Variants in MCU observed in about 807,000 individuals in gnomAD.
MCU encodes the protein mitochondrial calcium uniporter.
MCU carries 12 observed loss-of-function variants against 45.2 expected under a neutral mutation model. That is an observed-to-expected ratio of 0.27 (90% CI 0.17 to 0.43). The LOEUF is 0.43. MCU is among the 20% of genes least tolerant of loss of function. The pLI is 1.00. For synonymous variants in MCU, 160 were observed against 165.1 expected (o/e 0.97, Z 0.24); for missense variants, 324 against 436.7 (o/e 0.74, Z 2.30).
intron 1 of MCU, among the ~76,000 whole-genome samples, chr10:72,813,293 A>C (rs747633802): frequency 6.6e-6 from 1 of 152,134 alleles, no homozygotes; most frequent in Non-Finnish European, 1.5e-5. Flanking sequence ...TTTTATGAGC[A>C]AAGGCATCAA....
At chr10:72,742,179 T>C (rs966237742) in intron 1 of MCU, among the ~76,000 whole-genome samples, 2 of 152,214 alleles carry the variant, frequency 1.3e-5, no homozygotes, top group Non-Finnish European at 2.9e-5. Flanking sequence ...CTATACTATT[T>C]GTTACAGGAA....
At chr10:72,831,579 A>C (rs1487571435) in intron 1 of MCU, among the ~76,000 whole-genome samples, 3 of 152,146 alleles carry the variant, frequency 2.0e-5, no homozygotes, top group East Asian at 3.9e-4. Context: ...CAGTGACCAA[A>C]ACAGATGAAA....
intron 6 of MCU, among the ~76,000 whole-genome samples, chr10:72,878,950 A>G (rs1377390434): frequency 6.6e-6 from 1 of 152,174 alleles, no homozygotes; most frequent in African/African-American, 2.4e-5. Flanking sequence ...AAGAATCCCA[A>G]CCAATACCAG....
intron 1 of MCU, among the ~76,000 whole-genome samples, chr10:72,801,695 G>A (rs971029142): frequency 1.6e-4 from 22 of 139,552 alleles, no homozygotes; most frequent in African/African-American, 3.5e-4. Flanking sequence ...TTTTTAATAC[G>A]CGGTCTCATT....
intron 6 of MCU, among the ~76,000 whole-genome samples, chr10:72,877,545 G>A (rs1845635933): frequency 6.6e-6 from 1 of 151,932 alleles, no homozygotes; most frequent in Admixed American, 6.6e-5. Flanking sequence ...TCTGGTTCTA[G>A]TTGTGGCATA....
intron 1 of MCU, among the ~76,000 whole-genome samples, chr10:72,705,570 C>G (rs2132654128): frequency 6.6e-6 from 1 of 152,276 alleles, no homozygotes; most frequent in Middle Eastern, 3.4e-3. Flanking sequence ...GTAATCCCAG[C>G]ACTTTGGGAG....
intron 1 of MCU, among the ~76,000 whole-genome samples, chr10:72,729,724 C>CT (rs1447990495): frequency 1.3e-5 from 2 of 152,122 alleles, no homozygotes; most frequent in Non-Finnish European, 2.9e-5. Flanking sequence ...TGGTAATACT[C>CT]AGTTACTCAA....
At chr10:72,711,395 A>G (rs1361417389) in intron 1 of MCU, among the ~76,000 whole-genome samples, 3 of 150,744 alleles carry the variant, frequency 2.0e-5, no homozygotes, top group Non-Finnish European at 4.4e-5. Flanking sequence ...TAATTTTTGT[A>G]TTTTCAGTAG....
chr10:72,844,010 G>A (rs571787756), intron 2 of MCU, among the ~76,000 whole-genome samples: 87 of 152,168 alleles, frequency 5.7e-4, no homozygotes, highest in African/African-American at 2.0e-3. Context: ...CTAGCACTTC[G>A]GGAGGCCAAG....
chr10:72,808,784 A>G (rs1844493536), intron 1 of MCU, among the ~76,000 whole-genome samples: 1 of 152,132 alleles, frequency 6.6e-6, no homozygotes, highest in South Asian at 2.1e-4. Context: ...AGCAGGAGAG[A>G]GAGAATGTGA....
intron 1 of MCU, among the ~76,000 whole-genome samples, chr10:72,732,005 G>T (rs1843181237): frequency 6.6e-6 from 1 of 152,158 alleles, no homozygotes; most frequent in Non-Finnish European, 1.5e-5. Flanking sequence ...TGGTTAACTT[G>T]TTGAGGAACT....
intron 1 of MCU, among the ~76,000 whole-genome samples, chr10:72,792,879 CT>C (rs895855745): frequency 1.2e-3 from 173 of 144,920 alleles, no homozygotes; most frequent in Non-Finnish European, 1.1e-3. Context: ...CACTGCCTTT[CT>C]TTTTTTTTTT....
intron 2 of MCU, among the ~76,000 whole-genome samples, chr10:72,849,297 C>T (rs193207490): frequency 8.2e-4 from 117 of 143,186 alleles, no homozygotes; most frequent in Middle Eastern, 7.4e-3. Context: ...AAAAAAAAAT[C>T]GAATGAAAGC....
In MCU at chr10:72,696,295, G is replaced by A. The variant is rs892830675; in HGVS notation, c.150+3994G>A. On this transcript the variant is annotated intron_variant, in intron 1 of 7. Coordinates refer to ENST00000373053, the MANE Select transcript of MCU (RefSeq NM_138357.3). ...TAGTATTATATACGTAAGCCACTAC[G>A]TCTGGCCAAAAATTCCTTTAAATGG... Among the ~76,000 whole-genome samples the A allele has an allele frequency of 6.3e-5, 9 of 142,386 alleles. No individual in the cohort carries two copies. In the South Asian group the frequency reaches 1.3e-3, roughly 21 times the overall value. The allele number at this position is 142,386 out of a possible 152,430, so 93.4% of individuals were successfully genotyped here.
Position 72,705,178 on chromosome 10 carries a change from T to A in MCU, c.150+12877T>A, listed in dbSNP as rs564584459. On this transcript the variant is annotated intron_variant, in intron 1 of 7. Coordinates refer to ENST00000373053, the MANE Select transcript of MCU (RefSeq NM_138357.3). ...GTGCCTGGCCAAAACAAATTTTTTT[T>A]AAAAAATCTTACTTTAAGTTCTGGG... 3.4e-3 allele frequency among the ~76,000 whole-genome samples: 510 copies of A among 152,182 alleles called. 11 individuals carry two copies. In the South Asian group the frequency reaches 0.052, roughly 15 times the overall value.
At chr10:72,801,666 CT>C (rs1355666803) in intron 1 of MCU, among the ~76,000 whole-genome samples, 1 of 147,650 alleles carries the variant, frequency 6.8e-6, no homozygotes, top group East Asian at 2.0e-4. Flanking sequence ...CTAGGTAACT[CT>C]TTTTTTCTTT....
chr10:72,793,755 G>A (rs924449739), intron 1 of MCU, among the ~76,000 whole-genome samples: 14 of 152,030 alleles, frequency 9.2e-5, no homozygotes, highest in African/African-American at 3.4e-4. Context: ...ACTGCATGGT[G>A]GCTGGTATCT....
chr10:72,824,166 T>C (rs570258878), intron 1 of MCU, among the ~76,000 whole-genome samples: 2 of 151,990 alleles, frequency 1.3e-5, no homozygotes, highest in East Asian at 3.9e-4. Flanking sequence ...AATGAAGGAA[T>C]CTTACTAGTC....
intron 2 of MCU, among the ~76,000 whole-genome samples, chr10:72,844,619 T>A (rs1008200994): frequency 6.6e-6 from 1 of 152,118 alleles, no homozygotes; most frequent in Non-Finnish European, 1.5e-5. Context: ...CGGTAATGTA[T>A]AAGGAAGCTC....
Sources: gnomAD v4.1 joint callset for allele counts (sites outside exome capture counted in the v4.1 genomes callset) on GRCh38, gnomAD v4.1.1 for gene constraint, MANE v1.5 for transcripts, NCBI Gene and HGNC (gene_info 2026-07-23, HGNC 2026-07-21) for gene names.